NUP210: variants seen among roughly 807,000 people sequenced by gnomAD.
The protein encoded by NUP210 is nuclear pore membrane glycoprotein 210.
Under a neutral mutation model 196.0 loss-of-function variants are expected in NUP210, and 151 were observed. The observed-to-expected ratio is 0.77, with a 90% CI of 0.67 to 0.88. The LOEUF (loss-of-function observed/expected upper bound fraction) is 0.88, where lower values mean the gene tolerates loss of function less well. Among genes scored for constraint, NUP210 ranks in the 40% least tolerant of loss-of-function variants. The probability of loss-of-function intolerance (pLI) is 0.00; values close to 1 mark genes in which losing one functional copy is unlikely to be tolerated. For missense variants in NUP210, 2,314 were observed against 2,493.7 expected (o/e 0.93, Z 1.53); for synonymous variants, 1,070 against 1,052.7 (o/e 1.02, Z -0.32).
intron 34 of NUP210, 98 bp from the exon 35 acceptor site, chr3:13,322,437 C>A (rs1696578347): frequency 7.4e-7 from 1 of 1,342,818 alleles, no homozygotes; most frequent in African/African-American, 1.4e-5. Flanking sequence ...GCAAATGCCA[C>A]CTGCCCCTGC....
intron 13 of NUP210, among the ~76,000 whole-genome samples, chr3:13,371,265 A>G (rs1436149190): frequency 1.3e-5 from 2 of 152,198 alleles, no homozygotes; most frequent in East Asian, 3.8e-4. Flanking sequence ...CTACAGCTAC[A>G]CAGCCTCAGT....
intron 8 of NUP210, 113 bp from the exon 9 acceptor site, chr3:13,377,675 AC>A: frequency 1.4e-6 from 1 of 718,976 alleles, no homozygotes. Context: ...GAGAAGCCCC[AC>A]TCCACCCACC....
At chr3:13,326,025 G>A in intron 32 of NUP210, 94 bp from the exon 33 acceptor site, 1 of 1,505,086 alleles carries the variant, frequency 6.6e-7, no homozygotes, top group South Asian at 1.2e-5. Context: ...CTTCCTCGCT[G>A]GCTGCCGCTA....
At chr3:13,325,517 G>A (rs1576343419) in intron 33 of NUP210, among the ~76,000 whole-genome samples, 3 of 152,118 alleles carry the variant, frequency 2.0e-5, no homozygotes, top group African/African-American at 7.2e-5. Flanking sequence ...CCACTCCGGG[G>A]TTGCCAGACC....
chr3:13,344,957 C>T (rs2124867061), intron 20 of NUP210: 7 of 985,450 alleles, frequency 7.1e-6, no homozygotes, highest in Non-Finnish European at 8.4e-6. Context: ...CCTCTTCTCC[C>T]CTCTTCTGGG....
intron 1 of NUP210, among the ~76,000 whole-genome samples, chr3:13,413,125 C>A (rs557655979): frequency 1.3e-5 from 2 of 151,734 alleles, no homozygotes; most frequent in African/African-American, 4.8e-5. Flanking sequence ...ATTAGCCAGG[C>A]GTGTTGGCAC....
At chr3:13,366,210 C>A in intron 13 of NUP210, 119 bp from the exon 14 acceptor site, 1 of 937,080 alleles carries the variant, frequency 1.1e-6, no homozygotes, top group Non-Finnish European at 1.6e-6. Context: ...CTCACTGCGA[C>A]CTCCGCCTCC....
rs354476 is a variant in NUP210, at chr3:13,316,486, A to T, written c.*1195T>A. The T allele has an allele frequency of 2.0e-5, 3 of 152,122 alleles. No homozygotes were observed. The highest frequency in any genetic ancestry group is 7.2e-5 in the African/African-American group (3 of 41,402). 9.4% of individuals were successfully genotyped at this position (152,122 alleles called of 1,614,324 possible). ...TGAGTCTCTGGATCTCCCTGAGGGT[A>T]GCCCAGCCTCGGCCTGGAGCACAGG... On this transcript the variant is annotated 3_prime_UTR_variant, in exon 40 of 40. Coordinates refer to ENST00000254508, the MANE Select transcript of NUP210 (RefSeq NM_024923.4).
intron 1 of NUP210, among the ~76,000 whole-genome samples, chr3:13,416,252 G>C (rs531841319): frequency 6.6e-6 from 1 of 151,790 alleles, no homozygotes; most frequent in African/African-American, 2.4e-5. Context: ...GGCAGGAAAG[G>C]AGAAGTCTGT....
Position 13,330,490 on chromosome 3 carries a change from C to A in NUP210, c.4080G>T (p.Gly1360=). 3.1e-6 allele frequency: 5 copies of A among 1,614,124 alleles called. No homozygotes were observed. The highest frequency in any genetic ancestry group is 4.2e-6 in the Non-Finnish European group (5 of 1,180,016). The change falls in exon 30 of 40, where the codon GGG becomes GGT. Residue 1360 remains glycine, a synonymous_variant. Coordinates refer to ENST00000254508, the MANE Select transcript of NUP210 (RefSeq NM_024923.4). ...TIEVIAQEPF[G]ANQTIIVAVK... Reference sequence around the variant, plus strand: ...CAGCAACAATGATGGTTTGGTTGGCCCCAAAGGGCTCTTGTGCAATCACTT... The same window carrying A: ...CAGCAACAATGATGGTTTGGTTGGCACCAAAGGGCTCTTGTGCAATCACTT...
In NUP210 at chr3:13,383,790, A is replaced by G. The variant is rs544768599; in HGVS notation, c.817+2485T>C. ...GATCCGCCCGCCTCGGCCTCCCAAA[A>G]TGCTGGGATTACAGGTGTGAGCCAC... On this transcript the variant is annotated intron_variant, in intron 6 of 39. Transcript: ENST00000254508. Among the ~76,000 whole-genome samples, 970 of 148,064 alleles carry G rather than the reference A, an allele frequency of 6.6e-3. 8 individuals carry two copies. The highest frequency in any genetic ancestry group is 1.0e-2 in the Non-Finnish European group (664 of 66,550).
In NUP210 at chr3:13,388,580, T is replaced by C. The variant is rs1473867658; in HGVS notation, c.534-127A>G. On this transcript the variant is annotated intron_variant, in intron 4 of 39. Transcript: ENST00000254508. ...GATGCTGAAATAAGGGGTGTCCCCC[T>C]AGTCAGGGCTGGGGCTGCCTAGAGA... The C allele has an allele frequency of 1.3e-5, 13 of 974,174 alleles. No individual in the cohort carries two copies. In the East Asian group the frequency reaches 4.0e-4, roughly 30 times the overall value. 60.3% of individuals were successfully genotyped at this position (974,174 alleles called of 1,614,324 possible).
rs749905256 is a variant in NUP210, at chr3:13,341,806, G to A, written c.3170C>T (p.Thr1057Ile). 12 of 1,614,134 alleles carry A rather than the reference G, an allele frequency of 7.4e-6. No individual in the cohort carries two copies. The Admixed American group carries it at 8.3e-5, about 11-fold the overall frequency. Reference sequence around the variant, plus strand: ...TCCAGCTTTATTGGTCACACTTGCAGTTAGACTGGTCTGGCCGATGGCCAC... The same window carrying A: ...TCCAGCTTTATTGGTCACACTTGCAATTAGACTGGTCTGGCCGATGGCCAC... ...RGVAIGQTSL[T>I]ASVTNKAGQR... Residue 1057 changes from threonine (T) to isoleucine (I), a missense_variant, in exon 23 of 40, where the codon ACT (threonine) becomes ATT (isoleucine). Coordinates refer to ENST00000254508, the MANE Select transcript of NUP210 (RefSeq NM_024923.4).
intron 11 of NUP210, among the ~76,000 whole-genome samples, chr3:13,374,569 T>C (rs1698838336): frequency 6.6e-6 from 1 of 152,060 alleles, no homozygotes; most frequent in South Asian, 2.1e-4. Context: ...TCGAGACCGA[T>C]GCACACAAAC....
intron 1 of NUP210, among the ~76,000 whole-genome samples, chr3:13,408,865 G>A (rs995894736): frequency 9.2e-5 from 14 of 152,018 alleles, no homozygotes; most frequent in African/African-American, 2.2e-4. Context: ...AGGCATCTAG[G>A]GCTGCATACT....
At position 13,410,744 on chromosome 3, in the gene NUP210, C is replaced by T. The variant is rs185759549; in HGVS notation, c.167+9316G>A. Among the ~76,000 whole-genome samples, 1,458 of 146,278 alleles carry T rather than the reference C, an allele frequency of 1.0e-2. 27 individuals carry two copies. Among genetic ancestry groups the T allele is most frequent in the African/African-American group, 0.036 (1,375 of 37,846 alleles). On this transcript the variant is annotated intron_variant, in intron 1 of 39. Coordinates refer to ENST00000254508, the MANE Select transcript of NUP210 (RefSeq NM_024923.4). ...CATCCCGGCTAACATGGTGAAACCC[C>T]GTCTCCATTAAAAAATACAAAAAAT...
At chr3:13,337,445 G>A (rs150190587) in intron 26 of NUP210, among the ~76,000 whole-genome samples, 1 of 152,352 alleles carries the variant, frequency 6.6e-6, no homozygotes, top group Admixed American at 6.5e-5. Context: ...GTGGCCCTGG[G>A]CACGGGTCTT....
chr3:13,407,498 C>T (rs986238076), intron 1 of NUP210, among the ~76,000 whole-genome samples: 2 of 152,118 alleles, frequency 1.3e-5, no homozygotes, highest in African/African-American at 4.8e-5. Context: ...GTTATTGGCC[C>T]AAGGTGGCAC....
At chr3:13,407,002 G>A (rs924517543) in intron 1 of NUP210, among the ~76,000 whole-genome samples, 10 of 152,176 alleles carry the variant, frequency 6.6e-5, no homozygotes, top group African/African-American at 1.9e-4. Context: ...ATGGGAGGTC[G>A]TAAGACAGAC....
Sources: gnomAD v4.1 joint callset for allele counts (sites outside exome capture counted in the v4.1 genomes callset) on GRCh38, gnomAD v4.1.1 for gene constraint, MANE v1.5 for transcripts, NCBI Gene and HGNC (gene_info 2026-07-23, HGNC 2026-07-21) for gene names.